Variants in SGCZ observed in about 807,000 individuals in gnomAD.
SGCZ encodes the protein zeta-sarcoglycan.
SGCZ carries 40 observed loss-of-function variants against 41.3 expected under a neutral mutation model. That is an observed-to-expected ratio of 0.97 (90% CI 0.75 to 1.26). The LOEUF is 1.26. Among genes scored for constraint, SGCZ ranks in the 50% most tolerant of loss-of-function variants. The probability of loss-of-function intolerance (pLI) is 0.00; values close to 1 mark genes in which losing one functional copy is unlikely to be tolerated. For missense variants in SGCZ, 552 were observed against 369.8 expected (o/e 1.49, Z -4.04); for synonymous variants, 206 against 137.5 (o/e 1.50, Z -3.49).
chr8:14,536,937 G>A (rs1476605509), intron 2 of SGCZ, among the ~76,000 whole-genome samples: 1 of 151,816 alleles, frequency 6.6e-6, no homozygotes, highest in Non-Finnish European at 1.5e-5. Flanking sequence ...AAATTAAGTA[G>A]GTCTTAAGCC....
At chr8:14,893,092 G>A (rs910457247) in intron 1 of SGCZ, among the ~76,000 whole-genome samples, 1 of 152,198 alleles carries the variant, frequency 6.6e-6, no homozygotes, top group Non-Finnish European at 1.5e-5. Flanking sequence ...GAGGGTCCAT[G>A]AGACTGGGAA....
intron 7 of SGCZ, among the ~76,000 whole-genome samples, chr8:14,094,714 G>A (rs2116960357): frequency 6.6e-6 from 1 of 151,114 alleles, no homozygotes; most frequent in Non-Finnish European, 1.5e-5. Flanking sequence ...TCTCCGCACT[G>A]TCTTCCACAA....
chr8:14,827,070 C>G (rs1328015448), intron 1 of SGCZ, among the ~76,000 whole-genome samples: 3 of 151,394 alleles, frequency 2.0e-5, no homozygotes, highest in Admixed American at 6.6e-5. Context: ...GGTTTTAGGT[C>G]TATGGATTAA....
chr8:14,819,923 T>C (rs1172982876), intron 1 of SGCZ, among the ~76,000 whole-genome samples: 1 of 151,730 alleles, frequency 6.6e-6, no homozygotes, highest in Non-Finnish European at 1.5e-5. Flanking sequence ...ACCAAACTAC[T>C]AAAGTAAACA....
intron 1 of SGCZ, among the ~76,000 whole-genome samples, chr8:15,030,802 A>T (rs894226732): frequency 3.9e-5 from 6 of 152,168 alleles, no homozygotes; most frequent in Non-Finnish European, 5.9e-5. Context: ...ACTAACAAAG[A>T]AATGAAAAGT....
intron 4 of SGCZ, among the ~76,000 whole-genome samples, chr8:14,176,325 C>T (rs1804540711): frequency 6.6e-6 from 1 of 151,978 alleles, no homozygotes; most frequent in Admixed American, 6.6e-5. Flanking sequence ...TTTTATCTGG[C>T]CACAGCATAA....
intron 1 of SGCZ, among the ~76,000 whole-genome samples, chr8:15,092,683 A>G (rs1464163283): frequency 1.3e-5 from 2 of 152,232 alleles, no homozygotes; most frequent in African/African-American, 4.8e-5. Context: ...TTAAAATTCC[A>G]TACTTCAAAA....
chr8:14,139,473 T>A (rs905270494), intron 5 of SGCZ, among the ~76,000 whole-genome samples: 9 of 151,532 alleles, frequency 5.9e-5, no homozygotes, highest in Non-Finnish European at 1.3e-4. Flanking sequence ...AAAAGAAGAA[T>A]CACATAGATG....
In SGCZ at chr8:14,087,246, A is replaced by C; in HGVS notation, c.*3197T>G. ...GACTAATAAGTAAGTACCGGATAGA[A>C]ATTTTGGAAATGTTGAACAAGGGAA... On this transcript the variant is annotated 3_prime_UTR_variant, in exon 8 of 8. Coordinates refer to ENST00000382080, the MANE Select transcript of SGCZ (RefSeq NM_139167.4). Among the ~76,000 whole-genome samples the C allele has an allele frequency of 6.6e-6, 1 of 151,674 alleles. No individual in the cohort carries two copies. The highest frequency in any genetic ancestry group is 1.9e-4 in the East Asian group (1 of 5,164).
intron 4 of SGCZ, among the ~76,000 whole-genome samples, chr8:14,227,550 T>C (rs1359627651): frequency 6.6e-6 from 1 of 152,046 alleles, no homozygotes; most frequent in Non-Finnish European, 1.5e-5. Context: ...TTATAAAATA[T>C]CTAGAAATAA....
chr8:14,884,509 G>C (rs1051688450), intron 1 of SGCZ, among the ~76,000 whole-genome samples: 1 of 151,702 alleles, frequency 6.6e-6, no homozygotes, highest in African/African-American at 2.4e-5. Flanking sequence ...CATACACTGG[G>C]TGTCTATTTT....
intron 1 of SGCZ, among the ~76,000 whole-genome samples, chr8:14,623,619 T>A (rs1380287192): frequency 6.6e-6 from 1 of 152,214 alleles, no homozygotes; most frequent in African/African-American, 2.4e-5. Context: ...AGGTTACATT[T>A]TCCAGGTTTC....
intron 1 of SGCZ, among the ~76,000 whole-genome samples, chr8:14,904,031 G>T (rs1046141729): frequency 1.3e-5 from 2 of 151,972 alleles, no homozygotes; most frequent in Non-Finnish European, 1.5e-5. Context: ...AATTTTAAAA[G>T]TCAACTAAAG....
At chr8:14,474,482 G>T (rs1156705764) in intron 2 of SGCZ, among the ~76,000 whole-genome samples, 1 of 152,122 alleles carries the variant, frequency 6.6e-6, no homozygotes, top group African/African-American at 2.4e-5. Flanking sequence ...AGTATCAGAT[G>T]CACATTTTGC....
At chr8:14,733,103 C>A (rs1048135819) in intron 1 of SGCZ, among the ~76,000 whole-genome samples, 6 of 151,780 alleles carry the variant, frequency 4.0e-5, no homozygotes, top group African/African-American at 1.5e-4. Flanking sequence ...ACAAGTAAAA[C>A]AATCAATCCA....
rs78905746 is a variant in SGCZ, at chr8:14,392,901, G to C, written c.235-68697C>G. On this transcript the variant is annotated intron_variant, in intron 2 of 7. Coordinates refer to ENST00000382080, the MANE Select transcript of SGCZ (RefSeq NM_139167.4). ...CTAATAAAATATTAAAATAAAGTTA[G>C]AGTTTATATTTTTACCCTTTTAAAT... is the stretch of plus-strand genomic sequence containing the variant. Among the ~76,000 whole-genome samples, 282 of 152,118 alleles carry C rather than the reference G, an allele frequency of 1.9e-3. 6 individuals carry two copies. The East Asian group carries it at 0.038, about 21-fold the overall frequency.
chr8:15,221,716 G>A (rs950098252), intron 1 of SGCZ, among the ~76,000 whole-genome samples: 11 of 152,112 alleles, frequency 7.2e-5, no homozygotes, highest in African/African-American at 2.4e-4. Flanking sequence ...GACTCTGCCC[G>A]AAACCTAAGT....
chr8:14,370,317 T>C (rs1803865972), intron 2 of SGCZ, among the ~76,000 whole-genome samples: 1 of 152,004 alleles, frequency 6.6e-6, no homozygotes. Flanking sequence ...CCATCTTATA[T>C]TCCTTCATGT....
intron 1 of SGCZ, among the ~76,000 whole-genome samples, chr8:15,236,004 G>T (rs753182053): frequency 8.5e-5 from 13 of 152,190 alleles, no homozygotes; most frequent in Non-Finnish European, 1.8e-4. Flanking sequence ...AGAGATAAGA[G>T]GAAACTTCTA....
Sources: gnomAD v4.1 joint callset for allele counts (sites outside exome capture counted in the v4.1 genomes callset) on GRCh38, gnomAD v4.1.1 for gene constraint, MANE v1.5 for transcripts, NCBI Gene and HGNC (gene_info 2026-07-23, HGNC 2026-07-21) for gene names.